Variants in OTOG observed in about 807,000 individuals in gnomAD.
OTOG encodes the protein otogelin.
Under a neutral mutation model 313.8 loss-of-function variants are expected in OTOG, and 296 were observed. The observed-to-expected ratio is 0.94, with a 90% CI of 0.86 to 1.04. The LOEUF is 1.04. OTOG is among the 50% of genes least tolerant of loss of function. The probability of loss-of-function intolerance (pLI) is 0.00; values close to 1 mark genes in which losing one functional copy is unlikely to be tolerated. For missense variants in OTOG, 3,948 were observed against 3,840.1 expected, an observed-to-expected ratio of 1.03 and a Z score of -0.74; for synonymous variants, 1,533 against 1,554.9, an observed-to-expected ratio of 0.99 and a Z score of 0.33.
intron 15 of OTOG, among the ~76,000 whole-genome samples, chr11:17,564,243 G>T (rs1276810634): frequency 6.6e-6 from 1 of 152,234 alleles, no homozygotes; most frequent in African/African-American, 2.4e-5. Context: ...CTTGTGGCCT[G>T]TAGGGAGGTC....
At chr11:17,638,231 C>T (rs75519398) in intron 47 of OTOG, among the ~76,000 whole-genome samples, 1 of 152,262 alleles carries the variant, frequency 6.6e-6, no homozygotes, top group African/African-American at 2.4e-5. Context: ...AGGTTCTGAC[C>T]CTGTCATGTC....
rs35101030 is a variant in OTOG, at chr11:17,613,931, ATTG to A, written c.6528+235_6528+237del. ...GGAAGTATACCAGGAGGAATGGGAT[ATTG>A]TTGTGACAGAGAAAAAGTCGGAAAG... On this transcript the variant is annotated intron_variant, in intron 39 of 55. Transcript: ENST00000399397. Among the ~76,000 whole-genome samples the A allele has an allele frequency of 0.045, 6,810 of 152,262 alleles. 422 individuals are homozygous for A. Among genetic ancestry groups the A allele is most frequent in the African/African-American group, 0.14 (5,802 of 41,498 alleles).
intron 12 of OTOG, among the ~76,000 whole-genome samples, chr11:17,559,902 G>GAAGA (rs1565092308): frequency 2.3e-5 from 2 of 88,848 alleles, no homozygotes; most frequent in African/African-American, 1.9e-4. Context: ...GGGAGGGAGG[G>GAAGA]AGGAAGGAAG....
In OTOG at chr11:17,574,845, T is replaced by G. The variant is rs1162114909; in HGVS notation, c.2419T>G (p.Cys807Gly). 6.5e-7 allele frequency: 1 copy of G among 1,548,934 alleles called. No homozygotes were observed. The change falls in exon 20 of 56, where the codon TGT becomes GGT. Residue 807 changes from cysteine (C) to glycine (G), a missense_variant. Cys to Gly is a radical substitution (Grantham distance 159). Transcript: ENST00000399397. ...TGGCGATGACCTGAGCAGAGACGAG[T>G]GTGTGGAGGGCTGTGCCTGCCCACC... ...DGGDDLSRDE[C>G]VEGCACPPDT... is the part of the protein sequence containing the mutation.
At chr11:17,548,418 C>CTTTTTTTTTTTTTTTTTTTTTTTTT (rs56402246) in intron 3 of OTOG, among the ~76,000 whole-genome samples, 5 of 87,620 alleles carry the variant, frequency 5.7e-5, no homozygotes, top group African/African-American at 1.9e-4. Context: ...ATAGTCCACT[C>CTTTTTTTTTTTTTTTTTTTTTTTTT]TTTTTTTTTT....
At chr11:17,581,294 G>A (rs1395928836) in intron 23 of OTOG, among the ~76,000 whole-genome samples, 1 of 152,108 alleles carries the variant, frequency 6.6e-6, no homozygotes, top group Non-Finnish European at 1.5e-5. Flanking sequence ...CACTGCTCCA[G>A]CCCCATCCAG....
rs1388655446 is a variant in OTOG, at chr11:17,645,843, G to A, written c.8641G>A (p.Gly2881Ser). 1.3e-6 allele frequency: 2 copies of A among 1,550,824 alleles called. No homozygotes were observed. Among genetic ancestry groups the A allele is most frequent in the Non-Finnish European group, 8.7e-7 (1 of 1,147,084 alleles). ...ARFCKCCREV[G>S]LQRRSVQLFC... ...ATTCTGCAAGTGCTGCCGTGAGGTGGGCCTGCAGCGGCGCTCTGTGCAGCT... is the reference window on the plus strand; with the variant it reads ...ATTCTGCAAGTGCTGCCGTGAGGTGAGCCTGCAGCGGCGCTCTGTGCAGCT... Residue 2881 changes from glycine (G) to serine (S), a missense_variant, in exon 56 of 56, where the codon GGC (glycine) becomes AGC (serine). Transcript: ENST00000399397.
Position 17,599,655 on chromosome 11 carries a change from G to T in OTOG, c.3683-16G>T, listed in dbSNP as rs1414362939. The T allele has an allele frequency of 6.4e-6, 10 of 1,550,488 alleles. No homozygotes were observed. Among genetic ancestry groups the T allele is most frequent in the South Asian group, 1.2e-5 (1 of 84,060 alleles). On this transcript the variant is annotated splice_polypyrimidine_tract_variant and intron_variant, in intron 30 of 55. Transcript: ENST00000399397. ...CTGGGCTGGCTCTCAGGAAGTTCCT[G>T]TTCTCTCTCTTTCAGCGTATGACTG...
chr11:17,563,289 C>A (rs1021064828), intron 15 of OTOG, among the ~76,000 whole-genome samples: 4 of 152,196 alleles, frequency 2.6e-5, no homozygotes, highest in Non-Finnish European at 4.4e-5. Flanking sequence ...GGAGCTCACA[C>A]CCACAGCCAG....
chr11:17,595,933 A>G (rs1026080306), intron 28 of OTOG, 105 bp from the exon 29 acceptor site: 103 of 769,164 alleles, frequency 1.3e-4, no homozygotes, highest in Non-Finnish European at 1.5e-4. Flanking sequence ...GGACCTGAAT[A>G]TCAGGGGGCA....
chr11:17,612,439 A>G, intron 37 of OTOG, 109 bp downstream of exon 37: 1 of 1,420,966 alleles, frequency 7.0e-7, no homozygotes, highest in Non-Finnish European at 9.3e-7. Context: ...TGGGACCCCG[A>G]CCTGGCAGAT....
chr11:17,628,993 C>A, intron 39 of OTOG, 140 bp from the exon 40 acceptor site: 1 of 819,558 alleles, frequency 1.2e-6, no homozygotes, highest in Non-Finnish European at 1.9e-6. Context: ...CAGAGCCTGG[C>A]ACATAGCAGA....
At chr11:17,590,832 AC>A (rs1299372944) in intron 24 of OTOG, among the ~76,000 whole-genome samples, 1 of 152,066 alleles carries the variant, frequency 6.6e-6, no homozygotes, top group Non-Finnish European at 1.5e-5. Flanking sequence ...TACCCTTCTT[AC>A]AGATGCCCAT....
In OTOG at chr11:17,570,079, C is replaced by CGCAG. The variant is rs991832428; in HGVS notation, c.1778-116_1778-113dup. 391 of 760,914 alleles carry CGCAG rather than the reference C, an allele frequency of 5.1e-4. 2 individuals carry two copies. The African/African-American group carries it at 5.4e-3, about 11-fold the overall frequency. The allele number at this position is 760,914 out of a possible 1,614,324, so 47.1% of individuals were successfully genotyped here. On this transcript the variant is annotated intron_variant, in intron 16 of 55. Transcript: ENST00000399397. ...CCCCATACCAGCTTCATGGCAGGCA[C>CGCAG]GCAGGCAGGCAGGCAGGCAGGGGGC... is the stretch of plus-strand genomic sequence containing the variant.
At chr11:17,605,574 A>G (rs568469088) in intron 32 of OTOG, among the ~76,000 whole-genome samples, 72 of 152,288 alleles carry the variant, frequency 4.7e-4, no homozygotes, top group African/African-American at 1.6e-3. Flanking sequence ...AAGAATGGAA[A>G]GAGGGGTGCA....
chr11:17,552,585 T>TGTCCTGTGTCCCCCACCTGTCCTGTGTCC (rs1851964810), intron 4 of OTOG, among the ~76,000 whole-genome samples: 11 of 59,218 alleles, frequency 1.9e-4, no homozygotes, highest in African/African-American at 4.2e-4. Flanking sequence ...GTCCTGTGTC[T>TGTCCTGTGTCCCCCACCTGTCCTGTGTCC]CCCACCTGTC....
intron 32 of OTOG, among the ~76,000 whole-genome samples, chr11:17,603,136 C>T (rs944849578): frequency 4.6e-5 from 7 of 152,058 alleles, no homozygotes; most frequent in African/African-American, 1.7e-4. Context: ...AGCCAACATC[C>T]CTAGCTATAG....
At chr11:17,603,746 G>A (rs1011684922) in intron 32 of OTOG, among the ~76,000 whole-genome samples, 1 of 152,214 alleles carries the variant, frequency 6.6e-6, no homozygotes, top group African/African-American at 2.4e-5. Context: ...GGGAAAGATG[G>A]TTATGCGAAG....
chr11:17,567,637 C>A (rs1386462795), intron 15 of OTOG, among the ~76,000 whole-genome samples: 1 of 152,190 alleles, frequency 6.6e-6, no homozygotes, highest in Non-Finnish European at 1.5e-5. Flanking sequence ...AGCCACTGTG[C>A]CCAGCCTTGA....
Sources: gnomAD v4.1 joint callset for allele counts (sites outside exome capture counted in the v4.1 genomes callset) on GRCh38, gnomAD v4.1.1 for gene constraint, MANE v1.5 for transcripts, NCBI Gene and HGNC (gene_info 2026-07-23, HGNC 2026-07-21) for gene names.